The following UBE2R2 variants were observed in gnomAD, a reference collection of about 807,000 sequenced individuals.
The protein encoded by UBE2R2 is ubiquitin-conjugating enzyme E2 R2.
A neutral mutation model predicts 27.8 loss-of-function variants in UBE2R2; 1 was observed. The ratio of observed to expected loss-of-function variants is 0.04; its 90% CI spans 0.01 to 0.17. The LOEUF is 0.17. Ranked by LOEUF, UBE2R2 falls within the 10% of genes least tolerant of loss-of-function variation. The pLI is 1.00. For synonymous variants in UBE2R2, 106 were observed against 113.3 expected (o/e 0.94, Z 0.41); for missense variants, 100 against 291.0 (o/e 0.34, Z 4.78).
chr9:33,880,743 G>A (rs913040781), intron 1 of UBE2R2, among the ~76,000 whole-genome samples: 6 of 152,150 alleles, frequency 3.9e-5, no homozygotes, highest in African/African-American at 7.2e-5. Context: ...GGTGAGCTCA[G>A]CCTCCAGTCA....
chr9:33,863,362 A>T (rs892653465), intron 1 of UBE2R2, among the ~76,000 whole-genome samples: 1 of 150,954 alleles, frequency 6.6e-6, no homozygotes, highest in Non-Finnish European at 1.5e-5. Context: ...AAATACAAAA[A>T]TAAGCAGGGC....
intron 2 of UBE2R2, among the ~76,000 whole-genome samples, chr9:33,889,211 A>G (rs1821926875): frequency 6.6e-6 from 1 of 152,126 alleles, no homozygotes; most frequent in Non-Finnish European, 1.5e-5. Context: ...TAGACTGGAT[A>G]ATATATTAAC....
At chr9:33,849,800 T>A (rs1189802565) in intron 1 of UBE2R2, among the ~76,000 whole-genome samples, 1 of 151,796 alleles carries the variant, frequency 6.6e-6, no homozygotes, top group South Asian at 2.1e-4. Flanking sequence ...GAGGTTGCAG[T>A]GAGCCAAGCC....
At chr9:33,896,582 A>G (rs1232313913) in intron 2 of UBE2R2, among the ~76,000 whole-genome samples, 1 of 150,028 alleles carries the variant, frequency 6.7e-6, no homozygotes, top group Non-Finnish European at 1.5e-5. Flanking sequence ...AGCTGGGACT[A>G]CCGGCGCTGT....
At chr9:33,847,818 T>C (rs990304256) in intron 1 of UBE2R2, among the ~76,000 whole-genome samples, 1 of 150,352 alleles carries the variant, frequency 6.7e-6, no homozygotes, top group African/African-American at 2.5e-5. Flanking sequence ...AATGACGTGA[T>C]CTTGGCTCAC....
At chr9:33,816,775 C>A (rs1317107618), upstream of UBE2R2, among the ~76,000 whole-genome samples, 3 of 152,236 alleles carry the variant, frequency 2.0e-5, no homozygotes, top group African/African-American at 7.2e-5. Context: ...CTGCGGAGGC[C>A]CCTGGATCCA....
At chr9:33,869,915 C>T (rs901681603) in intron 1 of UBE2R2, among the ~76,000 whole-genome samples, 5 of 152,048 alleles carry the variant, frequency 3.3e-5, no homozygotes, top group Non-Finnish European at 7.3e-5. Flanking sequence ...GGCGCGATCT[C>T]GGCTCACCGA....
rs927145227 is a variant in UBE2R2, at chr9:33,912,051, A to G, written c.450A>G (p.Lys150=). 6.2e-7 allele frequency: 1 copy of G among 1,613,812 alleles called. No homozygotes were observed. The highest frequency in any genetic ancestry group is 1.1e-5 in the South Asian group (1 of 91,042). Residue 150 remains lysine, a synonymous_variant, in exon 4 of 5, where the codon AAA becomes AAG. Transcript: ENST00000263228. ...ANVDASVMFR[K]WRDSKGKDKE... is the part of the protein sequence containing the mutation. ...TCGATGCTTCAGTTATGTTCAGGAA[A>G]TGGAGAGACAGTAAAGGAAAAGACA...
At chr9:33,822,716 C>T (rs561059273) in intron 1 of UBE2R2, among the ~76,000 whole-genome samples, 1 of 150,646 alleles carries the variant, frequency 6.6e-6, no homozygotes, top group East Asian at 2.0e-4. Flanking sequence ...TGAGCTACCA[C>T]ACCCAGCCAA....
At chr9:33,851,089 C>G (rs1820956691) in intron 1 of UBE2R2, among the ~76,000 whole-genome samples, 1 of 152,224 alleles carries the variant, frequency 6.6e-6, no homozygotes, top group Admixed American at 6.5e-5. Context: ...ATTCCCACTT[C>G]TATTCCCCTC....
rs2185321 is a variant in UBE2R2, at chr9:33,840,424, T to C, written c.177+22490T>C. Among the ~76,000 whole-genome samples, 51 of 152,246 alleles carry C rather than the reference T, an allele frequency of 3.3e-4. 1 individual carries two copies. Among genetic ancestry groups the C allele is most frequent in the Admixed American group, 9.2e-4 (14 of 15,276 alleles). On this transcript the variant is annotated intron_variant, in intron 1 of 4. Coordinates refer to ENST00000263228, the MANE Select transcript of UBE2R2 (RefSeq NM_017811.4). ...AGTTTATGCCTCTATCCCTTTTTTT[T>C]CCTTAGTTTTTATGTTGAAGAACCC...
At chr9:33,896,038 G>T (rs1267736960) in intron 2 of UBE2R2, among the ~76,000 whole-genome samples, 1 of 152,012 alleles carries the variant, frequency 6.6e-6, no homozygotes, top group Non-Finnish European at 1.5e-5. Flanking sequence ...CCCCCAAAGT[G>T]CTGGGATTAC....
intron 1 of UBE2R2, among the ~76,000 whole-genome samples, chr9:33,838,115 T>A (rs547941540): frequency 1.2e-4 from 19 of 152,038 alleles, no homozygotes; most frequent in Admixed American, 2.6e-4. Flanking sequence ...GATATAGTAT[T>A]TACATTTAAC....
chr9:33,877,865 C>T (rs1262740763), intron 1 of UBE2R2, among the ~76,000 whole-genome samples: 1 of 151,790 alleles, frequency 6.6e-6, no homozygotes, highest in Non-Finnish European at 1.5e-5. Flanking sequence ...CTCCCTCCGT[C>T]TTTCCTCAGC....
intron 2 of UBE2R2, 34 bp downstream of exon 2, chr9:33,887,001 A>G: frequency 7.4e-7 from 1 of 1,351,036 alleles, no homozygotes; most frequent in East Asian, 2.7e-5. Flanking sequence ...TTCTCTGAAG[A>G]TTTTTTTTTT....
intron 1 of UBE2R2, among the ~76,000 whole-genome samples, chr9:33,856,129 G>A (rs1821095735): frequency 6.6e-6 from 1 of 152,148 alleles, no homozygotes; most frequent in South Asian, 2.1e-4. Context: ...TGGCAAGCAA[G>A]GGACAGGGAA....
chr9:33,904,831 A>G (rs1363923613), intron 3 of UBE2R2, among the ~76,000 whole-genome samples: 1 of 152,158 alleles, frequency 6.6e-6, no homozygotes, highest in Non-Finnish European at 1.5e-5. Flanking sequence ...TGGTGGGGAG[A>G]GTTTCTTCCT....
intron 3 of UBE2R2, among the ~76,000 whole-genome samples, chr9:33,902,010 C>T (rs922493038): frequency 3.3e-5 from 5 of 150,684 alleles, no homozygotes; most frequent in Non-Finnish European, 7.4e-5. Context: ...ACCTCCCGGG[C>T]TTGAGCAATC....
chr9:33,867,741 TCTC>T (rs1456692050), intron 1 of UBE2R2, among the ~76,000 whole-genome samples: 2 of 152,184 alleles, frequency 1.3e-5, no homozygotes, highest in East Asian at 3.8e-4. Flanking sequence ...TACACGCCAT[TCTC>T]CTTCCTCAGC....
Sources: allele counts gnomAD v4.1 joint callset (sites outside exome capture counted in the v4.1 genomes callset), GRCh38; gene constraint gnomAD v4.1.1; transcripts MANE v1.5; gene names NCBI Gene and HGNC (gene_info 2026-07-23, HGNC 2026-07-21).